Variants in CHST9 observed in about 807,000 individuals in gnomAD.
CHST9 encodes GalNAc-4-sulfotransferase 2.
Under a neutral mutation model 44.4 loss-of-function variants are expected in CHST9, and 41 were observed. The ratio of observed to expected loss-of-function variants is 0.92; its 90% CI spans 0.72 to 1.20. The LOEUF is 1.20. CHST9 is among the 50% of genes most tolerant of loss of function. The pLI is 0.00. For missense variants in CHST9, 504 were observed against 516.5 expected, an observed-to-expected ratio of 0.98 and a Z score of 0.23; for synonymous variants, 171 against 178.4, an observed-to-expected ratio of 0.96 and a Z score of 0.33.
chr18:27,065,171 A>G lies in CHST9; in HGVS notation c.122-16668T>C, dbSNP rs115598789. 6.3e-3 allele frequency among the ~76,000 whole-genome samples: 957 copies of G among 152,360 alleles called. 17 individuals carry two copies. Among genetic ancestry groups the G allele is most frequent in the African/African-American group, 0.022 (909 of 41,590 alleles). ...AAGTCTGCTGGGTAAAGAACAGCTC[A>G]CAGCCAGCTACATTTAGTCGGACTT... On this transcript the variant is annotated intron_variant, in intron 2 of 5. Transcript: ENST00000618847.
chr18:26,922,393 G>A (rs972266139), intron 5 of CHST9, among the ~76,000 whole-genome samples: 2 of 152,092 alleles, frequency 1.3e-5, no homozygotes, highest in Non-Finnish European at 2.9e-5. Flanking sequence ...TTTTATTCCA[G>A]CTTCCACAGT....
At chr18:27,107,654 C>T (rs894390565) in intron 2 of CHST9, among the ~76,000 whole-genome samples, 9 of 152,116 alleles carry the variant, frequency 5.9e-5, no homozygotes, top group Non-Finnish European at 8.8e-5. Flanking sequence ...GGTCTTTAGC[C>T]GACACTTCTC....
intron 4 of CHST9, 119 bp from the exon 5 acceptor site, chr18:26,944,485 G>A: frequency 1.4e-6 from 1 of 696,388 alleles, no homozygotes; most frequent in Non-Finnish European, 2.5e-6. Flanking sequence ...CTCTGAGCAA[G>A]GATTTCTATC....
intron 4 of CHST9, among the ~76,000 whole-genome samples, chr18:26,966,579 A>G (rs913653101): frequency 4.6e-5 from 7 of 152,124 alleles, no homozygotes; most frequent in African/African-American, 1.7e-4. Flanking sequence ...CTCTCTTACT[A>G]CACACACGTT....
intron 2 of CHST9, among the ~76,000 whole-genome samples, chr18:27,073,851 T>A (rs934458274): frequency 6.6e-6 from 1 of 152,138 alleles, no homozygotes; most frequent in South Asian, 2.1e-4. Flanking sequence ...GTCACAAATA[T>A]ATATATTATA....
intron 2 of CHST9, among the ~76,000 whole-genome samples, chr18:27,119,851 C>A (rs192992026): frequency 1.4e-4 from 22 of 152,232 alleles, no homozygotes; most frequent in African/African-American, 5.3e-4. Context: ...AAGTAAGGGT[C>A]AGGCACAGTA....
chr18:27,061,380 A>G (rs1394641437), intron 2 of CHST9, among the ~76,000 whole-genome samples: 1 of 152,234 alleles, frequency 6.6e-6, no homozygotes, highest in Non-Finnish European at 1.5e-5. Context: ...TAAAGGAAAG[A>G]GCATTGCCTT....
intron 4 of CHST9, among the ~76,000 whole-genome samples, chr18:26,969,899 C>G (rs139227472): frequency 1.8e-3 from 280 of 152,166 alleles, no homozygotes; most frequent in African/African-American, 6.5e-3. Flanking sequence ...CCCTTAAAAT[C>G]TGTTCCCCTC....
chr18:27,004,823 T>A (rs1401933145), intron 4 of CHST9, among the ~76,000 whole-genome samples: 2 of 152,196 alleles, frequency 1.3e-5, no homozygotes, highest in Non-Finnish European at 2.9e-5. Flanking sequence ...TTTTTCTTTA[T>A]GAATTAATTT....
At chr18:27,159,058 T>C (rs910637801) in intron 1 of CHST9, among the ~76,000 whole-genome samples, 3 of 152,190 alleles carry the variant, frequency 2.0e-5, no homozygotes, top group Non-Finnish European at 2.9e-5. Flanking sequence ...ATTTTGTAGG[T>C]TGCCTGTTCA....
Position 27,178,115 on chromosome 18 carries a change from A to G in CHST9, c.-97+7021T>C, listed in dbSNP as rs73406661. ...CCATTCAACAGACCAAGAAGCTTCC[A>G]GTAAGAATGAACAATACACAGAAAA... is the stretch of plus-strand genomic sequence containing the variant. On this transcript the variant is annotated intron_variant, in intron 1 of 5. Transcript: ENST00000618847. Among the ~76,000 whole-genome samples the G allele has an allele frequency of 5.7e-3, 865 of 152,150 alleles. 11 individuals carry two copies. The highest frequency in any genetic ancestry group is 0.02 in the African/African-American group (824 of 41,540).
At chr18:27,141,810 A>C (rs1318199967) in intron 2 of CHST9, among the ~76,000 whole-genome samples, 1 of 151,758 alleles carries the variant, frequency 6.6e-6, no homozygotes, top group Non-Finnish European at 1.5e-5. Flanking sequence ...TTCTGCTTTT[A>C]CTTTATTATC....
chr18:27,040,568 G>T (rs551255254), intron 3 of CHST9, among the ~76,000 whole-genome samples: 1 of 152,036 alleles, frequency 6.6e-6, no homozygotes. Context: ...TCACTTCTGG[G>T]GTGAGTGGAC....
chr18:27,171,151 T>G (rs762755650), intron 1 of CHST9, among the ~76,000 whole-genome samples: 1 of 152,186 alleles, frequency 6.6e-6, no homozygotes, highest in Non-Finnish European at 1.5e-5. Flanking sequence ...GAGGATATTC[T>G]AAACAAGACC....
At chr18:27,101,437 A>G (rs1598725328) in intron 2 of CHST9, among the ~76,000 whole-genome samples, 1 of 151,228 alleles carries the variant, frequency 6.6e-6, no homozygotes, top group East Asian at 2.0e-4. Context: ...TAAAAATACA[A>G]AAAAAATTAG....
At chr18:26,964,612 CAGTCAGGG>C (rs1373955788) in intron 4 of CHST9, among the ~76,000 whole-genome samples, 1 of 152,244 alleles carries the variant, frequency 6.6e-6, no homozygotes, top group African/African-American at 2.4e-5. Flanking sequence ...CTGGGTCTAC[CAGTCAGGG>C]CCTGGGCCAG....
In CHST9 at chr18:27,133,843, C is replaced by T. The variant is rs183008178; in HGVS notation, c.121+8846G>A. ...ACGTGCTCCAGGAAGAGGGAACAGC[C>T]GTGACATGGGAATAATCACATAATG... is the stretch of plus-strand genomic sequence containing the variant. On this transcript the variant is annotated intron_variant, in intron 2 of 5. Coordinates refer to ENST00000618847, the MANE Select transcript of CHST9 (RefSeq NM_031422.6). 2.2e-3 allele frequency among the ~76,000 whole-genome samples: 339 copies of T among 152,116 alleles called. 2 individuals carry two copies. Among genetic ancestry groups the T allele is most frequent in the Non-Finnish European group, 4.1e-3 (281 of 68,016 alleles).
chr18:27,063,027 T>G (rs2057743920), intron 2 of CHST9, among the ~76,000 whole-genome samples: 1 of 152,126 alleles, frequency 6.6e-6, no homozygotes, highest in Admixed American at 6.5e-5. Context: ...GGGGCAGGTG[T>G]GTCATGACAA....
intron 2 of CHST9, among the ~76,000 whole-genome samples, chr18:27,073,183 C>G (rs552422317): frequency 6.6e-6 from 1 of 152,272 alleles, no homozygotes; most frequent in African/African-American, 2.4e-5. Flanking sequence ...AGAACTCCAA[C>G]CACTATGACG....
Sources: allele counts gnomAD v4.1 joint callset (sites outside exome capture counted in the v4.1 genomes callset), GRCh38; gene constraint gnomAD v4.1.1; transcripts MANE v1.5; gene names NCBI Gene and HGNC (gene_info 2026-07-23, HGNC 2026-07-21).